The following SYNE1 variants were observed in gnomAD, a reference collection of about 807,000 sequenced individuals.
The protein encoded by SYNE1 is nesprin-1.
In SYNE1, 616 loss-of-function variants were observed where a neutral mutation model predicts 1,111.0. The ratio of observed to expected loss-of-function variants is 0.55; its 90% CI spans 0.52 to 0.59. The LOEUF is 0.59. Ranked by LOEUF, SYNE1 falls within the 20% of genes least tolerant of loss-of-function variation. SYNE1 has a pLI of 0.00. For synonymous variants in SYNE1, 3,855 were observed against 3,825.8 expected (o/e 1.01, Z -0.28); for missense variants, 10,006 against 10,417.0 (o/e 0.96, Z 1.72).
chr6:152,339,388 G>A (rs2096482772), intron 74 of SYNE1, 22 bp from the exon 75 acceptor site: 1 of 1,612,602 alleles, frequency 6.2e-7, no homozygotes, highest in Non-Finnish European at 8.5e-7. Flanking sequence ...AGTTATCAGA[G>A]TGAAAGAGAT....
chr6:152,195,072 C>A (rs2073742691), intron 127 of SYNE1, among the ~76,000 whole-genome samples: 1 of 152,060 alleles, frequency 6.6e-6, no homozygotes, highest in Non-Finnish European at 1.5e-5. Context: ...ACACATGTGC[C>A]ACCATGCCTG....
intron 50 of SYNE1, 76 bp downstream of exon 50, chr6:152,396,699 C>T (rs753454833): frequency 5.6e-5 from 74 of 1,310,344 alleles, no homozygotes; most frequent in Non-Finnish European, 7.6e-5. Flanking sequence ...TTTATTTATT[C>T]ACATGACTCT....
At position 152,136,620 on chromosome 6, in the gene SYNE1, G is replaced by A. The variant is rs1454816951; in HGVS notation, c.25657C>T (p.Gln8553Ter). 1.2e-6 allele frequency: 2 copies of A among 1,613,316 alleles called. No homozygotes were observed. The highest frequency in any genetic ancestry group is 1.7e-6 in the Non-Finnish European group (2 of 1,180,018). The change falls in exon 141 of 146, where the codon CAG (glutamine) becomes TAG (stop). Residue 8553 changes from glutamine (Q) to a stop codon, truncating the protein, a stop_gained and splice_region_variant. Coordinates refer to ENST00000367255, the MANE Select transcript of SYNE1 (RefSeq NM_182961.4). LOFTEE classifies it high-confidence loss of function. ...CTCCTGCCCAAAGCTCTACAGACCT[G>A]GCACTGCATCAGGGCATCCTGCAGC... ...GLLQDALMQCQGFHEMSHGLL... is the reference protein window; with the variant it reads ...GLLQDALMQC
At chr6:152,589,949 T>A (rs199505841) in intron 3 of SYNE1, among the ~76,000 whole-genome samples, 1 of 115,320 alleles carries the variant, frequency 8.7e-6, no homozygotes, top group Non-Finnish European at 1.8e-5. Flanking sequence ...TTTTTTTTTT[T>A]AAAGACAGGG....
At chr6:152,184,437 CAAAAAAA>C (rs199660419) in intron 128 of SYNE1, among the ~76,000 whole-genome samples, 2 of 104,744 alleles carry the variant, frequency 1.9e-5, no homozygotes, top group South Asian at 3.0e-4. Context: ...AACTCTGTTT[CAAAAAAA>C]AAAAAAAAAA....
intron 82 of SYNE1, among the ~76,000 whole-genome samples, chr6:152,322,358 TA>T (rs1178155980): frequency 6.6e-6 from 1 of 151,612 alleles, no homozygotes; most frequent in Non-Finnish European, 1.5e-5. Context: ...AAGAAGATTT[TA>T]AAAAGTGTTA....
At chr6:152,224,177 AAGAC>A (rs1198532340) in intron 117 of SYNE1, among the ~76,000 whole-genome samples, 2 of 152,226 alleles carry the variant, frequency 1.3e-5, no homozygotes, top group Non-Finnish European at 2.9e-5. Context: ...AGAGAAAAGG[AAGAC>A]AAAAGGCAGT....
Position 152,416,689 on chromosome 6 carries a change from A to C in SYNE1, c.5748T>G (p.Ala1916=). The C allele has an allele frequency of 6.2e-7, 1 of 1,614,228 alleles. No individual in the cohort carries two copies. Among genetic ancestry groups the C allele is most frequent in the Non-Finnish European group, 8.5e-7 (1 of 1,180,044 alleles). Reference sequence around the variant, plus strand: ...TGACGGCAGCAGATTCTAATGCTTTAGCATTTTGAAGAGCATCATTGAGGT... The same window carrying C: ...TGACGGCAGCAGATTCTAATGCTTTCGCATTTTGAAGAGCATCATTGAGGT... ...EKDLNDALQN[A]KALESAAVSL... is the part of the protein sequence containing the mutation. The change falls in exon 41 of 146, where the codon GCT becomes GCG. Residue 1916 remains alanine, a synonymous_variant. Coordinates refer to ENST00000367255, the MANE Select transcript of SYNE1 (RefSeq NM_182961.4).
intron 12 of SYNE1, among the ~76,000 whole-genome samples, chr6:152,487,080 G>T (rs1035243977): frequency 3.3e-5 from 5 of 151,952 alleles, no homozygotes; most frequent in African/African-American, 1.2e-4. Context: ...AAGTTCTAGG[G>T]TACATGTACA....
At position 152,122,594 on chromosome 6, in the gene SYNE1, G is replaced by A. The variant is rs746177326; in HGVS notation, c.26236C>T (p.Arg8746Ter). ...SGRGFLFRVL[R>*]AALPLQLLLL... The stretch of plus-strand genomic sequence containing the variant: ...AGAAGCTGAAGGGGAAGAGCTGCTC[G>A]GAGGACTCTGAACAGGAAGCCGCGG... The change falls in exon 146 of 146, where the codon CGA becomes TGA. Residue 8746 changes from arginine to a stop codon, truncating the protein, a stop_gained. Coordinates refer to ENST00000367255, the MANE Select transcript of SYNE1 (RefSeq NM_182961.4). LOFTEE classifies it high-confidence loss of function. The A allele has an allele frequency of 1.1e-5, 18 of 1,614,202 alleles. No individual in the cohort carries two copies. The highest frequency in any genetic ancestry group is 1.4e-5 in the Non-Finnish European group (16 of 1,180,036).
At chr6:152,376,284 T>C in intron 58 of SYNE1, 97 bp downstream of exon 58, 1 of 1,359,402 alleles carries the variant, frequency 7.4e-7, no homozygotes. Context: ...CAGGGACCTG[T>C]ACCAGTCCGC....
At position 152,309,896 on chromosome 6, in the gene SYNE1, CGCAGAGCA is replaced by C; in HGVS notation, c.17133_17140del (p.Leu5713AlafsTer16). 6.2e-7 allele frequency: 1 copy of C among 1,614,072 alleles called. No homozygotes were observed. The highest frequency in any genetic ancestry group is 8.5e-7 in the Non-Finnish European group (1 of 1,180,030). On this transcript the variant is annotated frameshift_variant, in exon 90 of 146. Coordinates refer to ENST00000367255, the MANE Select transcript of SYNE1 (RefSeq NM_182961.4). LOFTEE classifies it high-confidence loss of function. Reference sequence around the variant, plus strand: ...CAGCCGGCTGGCCTCTTCCTGCAGCCGCAGAGCAGCATGACAGAGAGGTAAGCTGGCAA... The same window carrying C: ...CAGCCGGCTGGCCTCTTCCTGCAGCCGCATGACAGAGAGGTAAGCTGGCAA...
At chr6:152,293,543 G>T in intron 95 of SYNE1, 45 bp downstream of exon 95, 1 of 1,609,114 alleles carries the variant, frequency 6.2e-7, no homozygotes, top group Non-Finnish European at 8.5e-7. Flanking sequence ...TCACAACAGT[G>T]CCTTATTCAA....
chr6:152,288,445 T>C (rs1439384410), intron 95 of SYNE1, among the ~76,000 whole-genome samples: 1 of 152,230 alleles, frequency 6.6e-6, no homozygotes, highest in Non-Finnish European at 1.5e-5. Context: ...GCACTGAAGG[T>C]ATCAGCTGCC....
At chr6:152,203,608 G>C (rs911864365) in intron 126 of SYNE1, among the ~76,000 whole-genome samples, 2 of 152,022 alleles carry the variant, frequency 1.3e-5, no homozygotes, top group Non-Finnish European at 2.9e-5. Context: ...TTTCTTATCT[G>C]GATTATTTCT....
chr6:152,622,428 C>T (rs992636249), intron 3 of SYNE1, among the ~76,000 whole-genome samples: 1 of 152,092 alleles, frequency 6.6e-6, no homozygotes, highest in Non-Finnish European at 1.5e-5. Context: ...CCAGCCTCCA[C>T]CCTCCAATGG....
chr6:152,454,810 G>A (rs904415344), intron 24 of SYNE1, among the ~76,000 whole-genome samples: 7 of 152,170 alleles, frequency 4.6e-5, no homozygotes, highest in Non-Finnish European at 2.9e-5. Context: ...TATCATTTGA[G>A]AGTGTGGTTT....
rs1420337692 is a variant in SYNE1 at position 152,270,714 on chromosome 6, C to T, written c.18574-1428G>A. 2.6e-5 allele frequency among the ~76,000 whole-genome samples: 4 copies of T among 152,194 alleles called. No individual in the cohort carries two copies. In the East Asian group the frequency reaches 7.7e-4, roughly 29 times the overall value. On this transcript the variant is annotated intron_variant, in intron 98 of 145. Coordinates refer to ENST00000367255, the MANE Select transcript of SYNE1 (RefSeq NM_182961.4). ...AGTGTTTTGGAAGCCAGATGAGGGC[C>T]CTGGTGGGGAGTTAGACTATAAACA...
intron 55 of SYNE1, 23 bp from the exon 56 acceptor site, chr6:152,381,385 T>G (rs1227379709): frequency 6.2e-7 from 1 of 1,608,162 alleles, no homozygotes; most frequent in Admixed American, 1.7e-5. Flanking sequence ...ATCACCATGG[T>G]AACTGAAGAG....
Sources: gnomAD v4.1 joint callset for allele counts (sites outside exome capture counted in the v4.1 genomes callset) on GRCh38, gnomAD v4.1.1 for gene constraint, MANE v1.5 for transcripts, NCBI Gene and HGNC (gene_info 2026-07-23, HGNC 2026-07-21) for gene names.